Variants in TRAPPC9 observed in about 807,000 individuals in gnomAD.
TRAPPC9 encodes IKK2 binding protein.
In TRAPPC9, 83 loss-of-function variants were observed where a neutral mutation model predicts 124.0. The ratio of observed to expected loss-of-function variants is 0.67; its 90% CI spans 0.56 to 0.80. The LOEUF (loss-of-function observed/expected upper bound fraction) is 0.80. Among genes scored for constraint, TRAPPC9 ranks in the 30% least tolerant of loss-of-function variants. The pLI, the probability that TRAPPC9 is intolerant of heterozygous loss-of-function variation, is 0.00. For synonymous variants in TRAPPC9, 638 were observed against 617.5 expected, an observed-to-expected ratio of 1.03 and a Z score of -0.49; for missense variants, 1,302 against 1,508.3, an observed-to-expected ratio of 0.86 and a Z score of 2.27.
At chr8:140,342,081 C>A (rs992946917) in intron 9 of TRAPPC9, among the ~76,000 whole-genome samples, 1 of 152,166 alleles carries the variant, frequency 6.6e-6, no homozygotes, top group African/African-American at 2.4e-5. Flanking sequence ...ATATTCCGGA[C>A]CAGAAGTGGC....
rs191428452 is a variant in TRAPPC9, at chr8:140,404,873, C to T, written c.1008+704G>A. Among the ~76,000 whole-genome samples the T allele has an allele frequency of 3.1e-4, 41 of 133,204 alleles. 1 individual carries two copies. Among genetic ancestry groups the T allele is most frequent in the African/African-American group, 6.3e-4 (23 of 36,734 alleles). The allele number at this position is 133,204 out of a possible 152,430, so 87.4% of individuals were successfully genotyped here. On this transcript the variant is annotated intron_variant, in intron 6 of 22. Transcript: ENST00000438773. ...GCCTGTGTGCGGGTGTGAGCATGCG[C>T]GTGTAAGTGCATGTGTGCACGTGTG... is the stretch of plus-strand genomic sequence containing the variant.
rs1342954541 is a variant in TRAPPC9 at position 139,729,988 on chromosome 8, T to C, written c.*1073A>G. Among the ~76,000 whole-genome samples, 1 of 152,136 alleles carries C rather than the reference T, an allele frequency of 6.6e-6. No individual in the cohort carries two copies. Among genetic ancestry groups the C allele is most frequent in the African/African-American group, 2.4e-5 (1 of 41,440 alleles). ...GCCTGCCCCCAGAACAGGACTCTTG[T>C]GGGTAGTGTAGACACACCCCAGCTC... On this transcript the variant is annotated 3_prime_UTR_variant, in exon 23 of 23. Coordinates refer to ENST00000438773, the MANE Select transcript of TRAPPC9 (RefSeq NM_001160372.4).
rs572595579 is a variant in TRAPPC9, at chr8:139,909,367, C to T, written c.2964+780G>A. ...CTCTATGAAGCCTTCCTTGAATGCC[C>T]CCACCCAGTGGCCTCTGAACCTGCA... On this transcript the variant is annotated intron_variant, in intron 20 of 22. Transcript: ENST00000438773. Among the ~76,000 whole-genome samples the T allele has an allele frequency of 3.2e-4, 49 of 152,326 alleles. No homozygotes were observed. The South Asian group carries it at 9.8e-3, about 30-fold the overall frequency.
chr8:139,813,767 C>G (rs1320628964), intron 21 of TRAPPC9, among the ~76,000 whole-genome samples: 1 of 152,204 alleles, frequency 6.6e-6, no homozygotes, highest in African/African-American at 2.4e-5. Flanking sequence ...TCAGATGTCA[C>G]AGGCCCTAAG....
At chr8:139,746,466 G>A (rs1032113519) in intron 21 of TRAPPC9, among the ~76,000 whole-genome samples, 5 of 152,176 alleles carry the variant, frequency 3.3e-5, no homozygotes, top group Admixed American at 1.3e-4. Flanking sequence ...CAAGATAGGC[G>A]GGCTATGGGA....
At chr8:139,850,032 T>A (rs1253796021) in intron 21 of TRAPPC9, among the ~76,000 whole-genome samples, 1 of 152,110 alleles carries the variant, frequency 6.6e-6, no homozygotes, top group Non-Finnish European at 1.5e-5. Flanking sequence ...CCGCATCAGC[T>A]CCCAGGAACA....
chr8:139,925,112 TA>T (rs962667140), intron 19 of TRAPPC9, among the ~76,000 whole-genome samples: 1 of 151,620 alleles, frequency 6.6e-6, no homozygotes, highest in African/African-American at 2.4e-5. Flanking sequence ...AATCCGGGAG[TA>T]AAACAAAAGC....
At chr8:140,103,009 A>G (rs1444362825) in intron 17 of TRAPPC9, among the ~76,000 whole-genome samples, 2 of 152,184 alleles carry the variant, frequency 1.3e-5, no homozygotes, top group Non-Finnish European at 2.9e-5. Context: ...ACAAGCACCC[A>G]GTGATGAAAT....
intron 9 of TRAPPC9, among the ~76,000 whole-genome samples, chr8:140,322,800 T>A (rs1248450210): frequency 6.6e-6 from 1 of 152,208 alleles, no homozygotes; most frequent in Non-Finnish European, 1.5e-5. Flanking sequence ...TACGGGCCAC[T>A]GTACTCCAGC....
chr8:140,170,594 G>A (rs1388349796), intron 17 of TRAPPC9, among the ~76,000 whole-genome samples: 1 of 152,178 alleles, frequency 6.6e-6, no homozygotes, highest in Non-Finnish European at 1.5e-5. Context: ...GTCTATAACA[G>A]AATGAGCTAC....
intron 19 of TRAPPC9, among the ~76,000 whole-genome samples, chr8:139,957,493 T>C (rs1056749334): frequency 2.0e-5 from 3 of 152,140 alleles, no homozygotes; most frequent in African/African-American, 4.8e-5. Flanking sequence ...GGGACCTAGG[T>C]AGGGCACGCT....
At chr8:140,250,157 G>C (rs569906928) in intron 16 of TRAPPC9, among the ~76,000 whole-genome samples, 1 of 152,036 alleles carries the variant, frequency 6.6e-6, no homozygotes, top group Non-Finnish European at 1.5e-5. Context: ...TCCCACTTGC[G>C]TTTATAAAAT....
chr8:140,178,610 T>C (rs1327179565), intron 17 of TRAPPC9, among the ~76,000 whole-genome samples: 2 of 152,140 alleles, frequency 1.3e-5, no homozygotes, highest in African/African-American at 4.8e-5. Flanking sequence ...TCTCTGATGT[T>C]GGTGTCAGGA....
At chr8:139,913,640 T>C (rs1165106241) in intron 19 of TRAPPC9, among the ~76,000 whole-genome samples, 1 of 152,172 alleles carries the variant, frequency 6.6e-6, no homozygotes, top group African/African-American at 2.4e-5. Flanking sequence ...CATTTACAAT[T>C]GCCTTCTCCT....
intron 16 of TRAPPC9, among the ~76,000 whole-genome samples, chr8:140,239,421 AG>A (rs2063806672): frequency 6.6e-6 from 1 of 152,184 alleles, no homozygotes; most frequent in South Asian, 2.1e-4. Flanking sequence ...GCTGCTTCTG[AG>A]GCAGTAAGAA....
rs1031202742 is a variant in TRAPPC9, at chr8:139,961,339, C to G, written c.2810+27387G>C. ...AGGGAGGCATGGCTGGGGCTGTATA[C>G]TCCATGGAGCCAGTGAGAGCCCCAC... On this transcript the variant is annotated intron_variant, in intron 19 of 22. Coordinates refer to ENST00000438773, the MANE Select transcript of TRAPPC9 (RefSeq NM_001160372.4). Among the ~76,000 whole-genome samples the G allele has an allele frequency of 2.4e-5, 3 of 124,210 alleles. 1 individual carries two copies. Among genetic ancestry groups the G allele is most frequent in the East Asian group, 4.5e-4 (2 of 4,456 alleles). The allele number at this position is 124,210 out of a possible 152,430, so 81.5% of individuals were successfully genotyped here. A position where few individuals can be genotyped will look rare whatever the true frequency, so the allele number is the denominator to read the frequency against.
In TRAPPC9 at chr8:139,958,928, CGGGGG is replaced by C. The variant is rs1835180181; in HGVS notation, c.2810+29793_2810+29797del. ...GGGGAGCACTGCATTCCGAGTCACA[CGGGGG>C]AGCACTGCATTCCGAGTCACACGGG... On this transcript the variant is annotated intron_variant, in intron 19 of 22. Coordinates refer to ENST00000438773, the MANE Select transcript of TRAPPC9 (RefSeq NM_001160372.4). Among the ~76,000 whole-genome samples the C allele has an allele frequency of 3.6e-3, 418 of 116,994 alleles. 3 individuals are homozygous for C. Among genetic ancestry groups the C allele is most frequent in the Middle Eastern group, 0.014 (3 of 210 alleles). The allele number at this position is 116,994 out of a possible 152,430, so 76.8% of individuals were successfully genotyped here.
At chr8:140,439,528 A>T (rs1256516658) in intron 2 of TRAPPC9, among the ~76,000 whole-genome samples, 1 of 152,176 alleles carries the variant, frequency 6.6e-6, no homozygotes, top group African/African-American at 2.4e-5. Context: ...TCAGCTTTTT[A>T]AAAAAATCAA....
At chr8:140,045,174 C>T (rs1399862225) in intron 17 of TRAPPC9, among the ~76,000 whole-genome samples, 3 of 152,202 alleles carry the variant, frequency 2.0e-5, no homozygotes, top group African/African-American at 7.2e-5. Flanking sequence ...CAAGGTCAGA[C>T]ACCAGTCCAG....
Sources: gnomAD v4.1 joint callset for allele counts (sites outside exome capture counted in the v4.1 genomes callset) on GRCh38, gnomAD v4.1.1 for gene constraint, MANE v1.5 for transcripts, NCBI Gene and HGNC (gene_info 2026-07-23, HGNC 2026-07-21) for gene names.